FBXL17: variants seen among roughly 807,000 people sequenced by gnomAD.
FBXL17 encodes the protein F-box and leucine rich repeat protein 17.
A neutral mutation model predicts 66.2 loss-of-function variants in FBXL17; 22 were observed. That is an observed-to-expected ratio of 0.33 (90% CI 0.24 to 0.47). The LOEUF is 0.47. Ranked by LOEUF, FBXL17 falls within the 20% of genes least tolerant of loss-of-function variation. The pLI, the probability that FBXL17 is intolerant of heterozygous loss-of-function variation, is 1.00. For synonymous variants in FBXL17, 474 were observed against 400.5 expected (o/e 1.18, Z -2.19); for missense variants, 878 against 948.2 (o/e 0.93, Z 0.97).
intron 7 of FBXL17, chr5:108,020,681 T>C (rs1754561663): frequency 3.2e-6 from 1 of 307,812 alleles, no homozygotes; most frequent in Middle Eastern, 9.2e-4. Flanking sequence ...TGAGTGTGTG[T>C]GTGCAAACAT....
At chr5:107,898,292 T>G (rs942860106) in intron 7 of FBXL17, among the ~76,000 whole-genome samples, 2 of 152,094 alleles carry the variant, frequency 1.3e-5, no homozygotes, top group Non-Finnish European at 2.9e-5. Context: ...TGTATTTCTG[T>G]AAAGTTACAC....
intron 4 of FBXL17, among the ~76,000 whole-genome samples, chr5:108,261,062 A>C (rs1561493428): frequency 6.6e-6 from 1 of 152,218 alleles, no homozygotes; most frequent in Non-Finnish European, 1.5e-5. Context: ...ATTAGTAAAA[A>C]AAAATATTAA....
chr5:107,899,676 G>A (rs1749504842), intron 7 of FBXL17, among the ~76,000 whole-genome samples: 1 of 152,152 alleles, frequency 6.6e-6, no homozygotes, highest in African/African-American at 2.4e-5. Context: ...AAAGGTCACT[G>A]TACTTAAATT....
chr5:108,172,675 T>C (rs562531480), intron 6 of FBXL17, among the ~76,000 whole-genome samples: 1 of 152,348 alleles, frequency 6.6e-6, no homozygotes, highest in Admixed American at 6.5e-5. Flanking sequence ...TCTGATACCA[T>C]CATTTAAGTT....
At chr5:107,942,929 T>C (rs555423493) in intron 7 of FBXL17, among the ~76,000 whole-genome samples, 2 of 152,252 alleles carry the variant, frequency 1.3e-5, no homozygotes, top group African/African-American at 4.8e-5. Context: ...CACCAATGTA[T>C]TTCCTTTTCC....
intron 4 of FBXL17, among the ~76,000 whole-genome samples, chr5:108,317,104 G>A (rs1410665218): frequency 4.0e-5 from 6 of 151,060 alleles, no homozygotes; most frequent in African/African-American, 1.5e-4. Context: ...ACTAATTAAG[G>A]AGAAGAGATG....
At chr5:108,077,982 T>C (rs1356619890) in intron 6 of FBXL17, among the ~76,000 whole-genome samples, 1 of 152,158 alleles carries the variant, frequency 6.6e-6, no homozygotes, top group Admixed American at 6.5e-5. Context: ...TATAGGCTAC[T>C]CAGAAAGTTC....
intron 6 of FBXL17, among the ~76,000 whole-genome samples, chr5:108,064,548 T>G (rs958884699): frequency 6.6e-6 from 1 of 152,184 alleles, no homozygotes; most frequent in African/African-American, 2.4e-5. Context: ...CAGGGCCTAG[T>G]CTTACCTCTG....
chr5:108,253,915 C>T lies in FBXL17; in HGVS notation c.1507-29687G>A, dbSNP rs537596393. On this transcript the variant is annotated intron_variant, in intron 4 of 8. Transcript: ENST00000542267. ...GACTGGGCTGAGAGGATCACTTGAGCCTGGGAGGCTGAGGTTGCAGTGAGT... is the reference window on the plus strand; with the variant it reads ...GACTGGGCTGAGAGGATCACTTGAGTCTGGGAGGCTGAGGTTGCAGTGAGT... Among the ~76,000 whole-genome samples, 5 of 152,068 alleles carry T rather than the reference C, an allele frequency of 3.3e-5. No homozygotes were observed. In the South Asian group the frequency reaches 6.2e-4, roughly 19 times the overall value.
intron 4 of FBXL17, among the ~76,000 whole-genome samples, chr5:108,323,520 T>C (rs753121565): frequency 2.0e-5 from 3 of 151,988 alleles, no homozygotes; most frequent in Non-Finnish European, 4.4e-5. Flanking sequence ...ATGTCTATAC[T>C]ACTCATTGCA....
At chr5:108,346,082 A>C (rs1747260402) in intron 4 of FBXL17, among the ~76,000 whole-genome samples, 1 of 152,166 alleles carries the variant, frequency 6.6e-6, no homozygotes, top group South Asian at 2.1e-4. Context: ...ATAGGTGTCA[A>C]AGTAAAAACA....
intron 7 of FBXL17, among the ~76,000 whole-genome samples, chr5:107,993,313 T>C (rs980934819): frequency 3.3e-5 from 5 of 152,224 alleles, no homozygotes; most frequent in Non-Finnish European, 7.3e-5. Flanking sequence ...CATACTGTTA[T>C]GGTAAGATGA....
chr5:107,939,107 T>C (rs1300421657), intron 7 of FBXL17, among the ~76,000 whole-genome samples: 1 of 152,198 alleles, frequency 6.6e-6, no homozygotes, highest in African/African-American at 2.4e-5. Context: ...GAGTCATGAA[T>C]GATCATTATC....
chr5:108,218,812 A>G (rs926427781), intron 5 of FBXL17, among the ~76,000 whole-genome samples: 6 of 152,120 alleles, frequency 3.9e-5, no homozygotes, highest in Non-Finnish European at 8.8e-5. Context: ...AGTTCCTTAT[A>G]TATTTTGGAT....
intron 6 of FBXL17, among the ~76,000 whole-genome samples, chr5:108,159,494 A>G (rs1752125650): frequency 6.6e-6 from 1 of 152,094 alleles, no homozygotes; most frequent in African/African-American, 2.4e-5. Flanking sequence ...GGAATTCACT[A>G]CCGTATCAAA....
intron 6 of FBXL17, among the ~76,000 whole-genome samples, chr5:108,024,442 C>T (rs1441195767): frequency 6.6e-6 from 1 of 151,996 alleles, no homozygotes; most frequent in Non-Finnish European, 1.5e-5. Context: ...TTTTTTGGAG[C>T]CCTATATCAT....
chr5:108,192,686 G>T (rs1429871441), intron 5 of FBXL17, among the ~76,000 whole-genome samples: 2 of 152,118 alleles, frequency 1.3e-5, no homozygotes, highest in African/African-American at 4.8e-5. Flanking sequence ...CAGCTACTCA[G>T]GAGGCAGAGG....
chr5:107,926,301 A>G (rs1750521991), intron 7 of FBXL17, among the ~76,000 whole-genome samples: 1 of 152,084 alleles, frequency 6.6e-6, no homozygotes, highest in South Asian at 2.1e-4. Flanking sequence ...ACTATTCTCA[A>G]TGATAGAGAT....
At chr5:107,947,957 G>C (rs541710255) in intron 7 of FBXL17, among the ~76,000 whole-genome samples, 7 of 152,124 alleles carry the variant, frequency 4.6e-5, no homozygotes, top group African/African-American at 1.7e-4. Context: ...ATGTACCCAT[G>C]ATTTCATCTC....
Sources: allele counts gnomAD v4.1 joint callset (sites outside exome capture counted in the v4.1 genomes callset), GRCh38; gene constraint gnomAD v4.1.1; transcripts MANE v1.5; gene names NCBI Gene and HGNC (gene_info 2026-07-23, HGNC 2026-07-21).